Variants in TMEM106B observed in about 807,000 individuals in gnomAD.
TMEM106B encodes transmembrane protein 106B.
In TMEM106B, 15 loss-of-function variants were observed where a neutral mutation model predicts 31.1. The ratio of observed to expected loss-of-function variants is 0.48; its 90% CI spans 0.32 to 0.74. TMEM106B has a LOEUF of 0.74. Among genes scored for constraint, TMEM106B ranks in the 30% least tolerant of loss-of-function variants. The pLI is 0.03. For missense variants in TMEM106B, 283 were observed against 327.3 expected (o/e 0.86, Z 1.04); for synonymous variants, 126 against 112.5 (o/e 1.12, Z -0.76).
At position 12,211,313 on chromosome 7, in the gene TMEM106B, G is replaced by C. The variant is rs111783004; in HGVS notation, c.-115G>C. On this transcript the variant is annotated 5_prime_UTR_variant, in exon 1 of 8. Transcript: ENST00000396668. ...CGTCCCAGCTCTACGGCGGCCGCGC[G>C]CTCCAGGCCGGTCGCTCCACCCCCC... 2.0e-5 allele frequency: 3 copies of C among 152,432 alleles called. No homozygotes were observed. In the South Asian group the frequency reaches 6.2e-4, roughly 32 times the overall value. 9.4% of individuals were successfully genotyped at this position (152,432 alleles called of 1,614,324 possible).
chr7:12,216,893 A>G (rs1411594783), intron 2 of TMEM106B, among the ~76,000 whole-genome samples: 52 of 152,190 alleles, frequency 3.4e-4, no homozygotes. Flanking sequence ...AAAGACGTGT[A>G]GCATGTATAG....
At chr7:12,224,525 G>A (rs3800845) in intron 4 of TMEM106B, 140 bp downstream of exon 4, 7 of 603,292 alleles carry the variant, frequency 1.2e-5, no homozygotes, top group Admixed American at 3.2e-5. Flanking sequence ...CTGTATTGAC[G>A]TTCTCTACCA....
intron 3 of TMEM106B, 36 bp from the exon 4 acceptor site, chr7:12,224,190 T>C: frequency 6.3e-7 from 1 of 1,585,886 alleles, no homozygotes; most frequent in Non-Finnish European, 8.6e-7. Context: ...TAATTTCTGA[T>C]GCACATGTAC....
intron 4 of TMEM106B, among the ~76,000 whole-genome samples, chr7:12,227,925 T>A (rs1201757699): frequency 7.2e-5 from 11 of 151,876 alleles, no homozygotes; most frequent in African/African-American, 2.4e-5. Flanking sequence ...CTAATGAAAC[T>A]GTGGACAGTA....
In TMEM106B at chr7:12,239,449, T is replaced by C. The variant is rs186802124; in HGVS notation, c.*7474T>C. The stretch of plus-strand genomic sequence containing the variant: ...TTTTCAATTACTTACAGTAAGGAAA[T>C]AGCACTTTTAATTTCCTTCAAGAAC... On this transcript the variant is annotated 3_prime_UTR_variant, in exon 8 of 8. Coordinates refer to ENST00000396668, the MANE Select transcript of TMEM106B (RefSeq NM_001134232.2). The C allele has an allele frequency of 1.4e-4, 22 of 152,266 alleles. No individual in the cohort carries two copies. Among genetic ancestry groups the C allele is most frequent in the Middle Eastern group, 3.4e-3 (1 of 294 alleles). 9.4% of individuals were successfully genotyped at this position (152,266 alleles called of 1,614,324 possible). A position where few individuals can be genotyped will look rare whatever the true frequency, so the allele number is the denominator to read the frequency against.
chr7:12,239,736 A>G lies in TMEM106B; in HGVS notation c.*7761A>G. On this transcript the variant is annotated 3_prime_UTR_variant, in exon 8 of 8. Transcript: ENST00000396668. ...AGCTGGTTAGGAGAGCAGTCCGAACACACACTTTTTTTTATTACTTTCACT... is the reference window on the plus strand; with the variant it reads ...AGCTGGTTAGGAGAGCAGTCCGAACGCACACTTTTTTTTATTACTTTCACT... The G allele has an allele frequency of 6.6e-6, 1 of 152,118 alleles. No individual in the cohort carries two copies. Among genetic ancestry groups the G allele is most frequent in the East Asian group, 1.9e-4 (1 of 5,186 alleles). The allele number at this position is 152,118 out of a possible 1,614,324, so 9.4% of individuals were successfully genotyped here.
intron 1 of TMEM106B, among the ~76,000 whole-genome samples, chr7:12,213,573 T>A (rs1781623693): frequency 6.6e-6 from 1 of 152,212 alleles, no homozygotes; most frequent in Non-Finnish European, 1.5e-5. Flanking sequence ...GAAACCTGCA[T>A]GTTTCTTTTC....
intron 3 of TMEM106B, among the ~76,000 whole-genome samples, chr7:12,220,940 A>G (rs12699326): frequency 0.056 from 8,571 of 152,276 alleles, 334 homozygotes; most frequent in Middle Eastern, 0.11. Context: ...TATTGACAAT[A>G]TGTTTTTCTT....
At chr7:12,223,750 T>C (rs1781835417) in intron 3 of TMEM106B, among the ~76,000 whole-genome samples, 1 of 146,038 alleles carries the variant, frequency 6.8e-6, no homozygotes, top group Admixed American at 7.0e-5. Flanking sequence ...GTACAGAGTC[T>C]CGCTCTCTCG....
chr7:12,211,859 C>T (rs1016844344), intron 1 of TMEM106B, among the ~76,000 whole-genome samples: 1 of 152,182 alleles, frequency 6.6e-6, no homozygotes, highest in South Asian at 2.1e-4. Context: ...AGATCAGGAG[C>T]CATTTAAATT....
rs528503510 is a variant in TMEM106B at position 12,233,105 on chromosome 7, C to T, written c.*1130C>T. ...AGAAATTTAATCACTTTGCACATCACTTGGAATATGATGCCTCTAGTAGTT... is the reference window on the plus strand; with the variant it reads ...AGAAATTTAATCACTTTGCACATCATTTGGAATATGATGCCTCTAGTAGTT... On this transcript the variant is annotated 3_prime_UTR_variant, in exon 8 of 8. Transcript: ENST00000396668. 1 of 151,840 alleles carries T rather than the reference C, an allele frequency of 6.6e-6. No individual in the cohort carries two copies. Among genetic ancestry groups the T allele is most frequent in the South Asian group, 2.1e-4 (1 of 4,824 alleles). The allele number at this position is 151,840 out of a possible 1,614,324, so 9.4% of individuals were successfully genotyped here. A position where few individuals can be genotyped will look rare whatever the true frequency, so the allele number is the denominator to read the frequency against.
At position 12,236,340 on chromosome 7, in the gene TMEM106B, T is replaced by C. The variant is rs1398777184; in HGVS notation, c.*4365T>C. 1 of 151,956 alleles carries C rather than the reference T, an allele frequency of 6.6e-6. No individual in the cohort carries two copies. Among genetic ancestry groups the C allele is most frequent in the Non-Finnish European group, 1.5e-5 (1 of 67,868 alleles). 9.4% of individuals were successfully genotyped at this position (151,956 alleles called of 1,614,324 possible). On this transcript the variant is annotated 3_prime_UTR_variant, in exon 8 of 8. Transcript: ENST00000396668. ...TTTAAAAGTAATTTGGTTGTGTTTATAGTTATTTGTACAAGTATTTATCAC... is the reference window on the plus strand; with the variant it reads ...TTTAAAAGTAATTTGGTTGTGTTTACAGTTATTTGTACAAGTATTTATCAC...
Position 12,239,839 on chromosome 7 carries a change from A to G in TMEM106B, c.*7864A>G, listed in dbSNP as rs1782208308. The G allele has an allele frequency of 6.6e-6, 1 of 152,162 alleles. No homozygotes were observed. Among genetic ancestry groups the G allele is most frequent in the African/African-American group, 2.4e-5 (1 of 41,436 alleles). The allele number at this position is 152,162 out of a possible 1,614,324, so 9.4% of individuals were successfully genotyped here. A position where few individuals can be genotyped will look rare whatever the true frequency, so the allele number is the denominator to read the frequency against. Reference sequence around the variant, plus strand: ...AGATCACTGATTACAGATCATTAAAATAGGTTTAATAATAATGGAAACATT... The same window carrying G: ...AGATCACTGATTACAGATCATTAAAGTAGGTTTAATAATAATGGAAACATT... On this transcript the variant is annotated 3_prime_UTR_variant, in exon 8 of 8. Coordinates refer to ENST00000396668, the MANE Select transcript of TMEM106B (RefSeq NM_001134232.2).
In TMEM106B at chr7:12,242,786, T is replaced by C. The variant is rs953796421; in HGVS notation, c.*10811T>C. The C allele has an allele frequency of 2.6e-5, 4 of 152,152 alleles. No homozygotes were observed. Among genetic ancestry groups the C allele is most frequent in the Admixed American group, 2.6e-4 (4 of 15,268 alleles). The allele number at this position is 152,152 out of a possible 1,614,324, so 9.4% of individuals were successfully genotyped here. A position where few individuals can be genotyped will look rare whatever the true frequency, so the allele number is the denominator to read the frequency against. On this transcript the variant is annotated 3_prime_UTR_variant, in exon 8 of 8. Transcript: ENST00000396668. The stretch of plus-strand genomic sequence containing the variant: ...TAGCTGGCTATTTTGTAAGCCTGTA[T>C]CTGGTTTAAAAAAAAGAAGTGAATA...
At chr7:12,221,880 T>G (rs924812128) in intron 3 of TMEM106B, among the ~76,000 whole-genome samples, 25 of 152,300 alleles carry the variant, frequency 1.6e-4, no homozygotes, top group African/African-American at 5.8e-4. Flanking sequence ...GGAACATACC[T>G]GAGGCTGAGG....
intron 4 of TMEM106B, 35 bp from the exon 5 acceptor site, chr7:12,229,644 C>T: frequency 2.1e-6 from 3 of 1,456,058 alleles, no homozygotes; most frequent in South Asian, 2.9e-5. Context: ...ATATTTTTAG[C>T]TAACTTGTAA....
chr7:12,218,812 TAAG>T (rs1033467227), intron 3 of TMEM106B, among the ~76,000 whole-genome samples: 7 of 151,818 alleles, frequency 4.6e-5, no homozygotes, highest in Non-Finnish European at 8.8e-5. Context: ...AATTGGATAA[TAAG>T]GTGTACTCCA....
At chr7:12,227,322 A>C (rs1001167000) in intron 4 of TMEM106B, among the ~76,000 whole-genome samples, 2 of 152,044 alleles carry the variant, frequency 1.3e-5, no homozygotes, top group African/African-American at 4.8e-5. Flanking sequence ...ACTTATGAAA[A>C]TATTTGTCAT....
At chr7:12,225,409 G>A (rs1159628543) in intron 4 of TMEM106B, among the ~76,000 whole-genome samples, 2 of 152,084 alleles carry the variant, frequency 1.3e-5, no homozygotes, top group Non-Finnish European at 2.9e-5. Flanking sequence ...GGGTCAAATG[G>A]TATTTCTAGT....
Sources: allele counts gnomAD v4.1 joint callset (sites outside exome capture counted in the v4.1 genomes callset), GRCh38; gene constraint gnomAD v4.1.1; transcripts MANE v1.5; gene names NCBI Gene and HGNC (gene_info 2026-07-23, HGNC 2026-07-21).